TUSC3: variants seen among roughly 807,000 people sequenced by gnomAD.
TUSC3 encodes dolichyl-diphosphooligosaccharide--protein glycosyltransferase subunit TUSC3.
In TUSC3, 45 loss-of-function variants were observed where a neutral mutation model predicts 44.8. The observed-to-expected ratio is 1.00, with a 90% CI of 0.79 to 1.29. TUSC3 has a LOEUF of 1.29. Among genes scored for constraint, TUSC3 ranks in the 50% most tolerant of loss-of-function variants. TUSC3 has a pLI of 0.00. For missense variants in TUSC3, 519 were observed against 437.9 expected, an observed-to-expected ratio of 1.19 and a Z score of -1.65; for synonymous variants, 212 against 152.9, an observed-to-expected ratio of 1.39 and a Z score of -2.85.
intron 1 of TUSC3, among the ~76,000 whole-genome samples, chr8:15,577,632 G>A (rs1188784303): frequency 1.2e-4 from 18 of 147,014 alleles, no homozygotes; most frequent in Admixed American, 8.2e-4. Context: ...GTAGATATGC[G>A]GTGTTATTTC....
At chr8:15,523,662 A>ATGTGTG (rs1452859204) in intron 2 of TUSC3, among the ~76,000 whole-genome samples, 4 of 21,894 alleles carry the variant, frequency 1.8e-4, no homozygotes, top group African/African-American at 7.5e-4. Context: ...ATATATATAT[A>ATGTGTG]TATGTGTGTG....
intron 3 of TUSC3, among the ~76,000 whole-genome samples, chr8:15,653,669 G>T (rs1450343720): frequency 6.6e-6 from 1 of 152,162 alleles, no homozygotes; most frequent in Non-Finnish European, 1.5e-5. Flanking sequence ...GCAGAAATGT[G>T]TAAAAGTTAT....
chr8:15,593,621 C>T (rs886810251), intron 1 of TUSC3, among the ~76,000 whole-genome samples: 1 of 152,108 alleles, frequency 6.6e-6, no homozygotes, highest in African/African-American at 2.4e-5. Context: ...TTTAATAATA[C>T]AATTGTAATC....
At chr8:15,634,774 A>C (rs1414607168) in intron 2 of TUSC3, among the ~76,000 whole-genome samples, 1 of 152,218 alleles carries the variant, frequency 6.6e-6, no homozygotes, top group Non-Finnish European at 1.5e-5. Context: ...CATTGTCTCC[A>C]TCTGAGTATC....
At chr8:15,617,767 A>G (rs141277630) in intron 1 of TUSC3, among the ~76,000 whole-genome samples, 1 of 152,308 alleles carries the variant, frequency 6.6e-6, no homozygotes, top group African/African-American at 2.4e-5. Context: ...TTCAGTTGTT[A>G]AAGTTTGGTT....
the TUSC3 span, among the ~76,000 whole-genome samples, chr8:15,805,779 T>C: frequency 6.6e-6 from 1 of 152,116 alleles, no homozygotes; most frequent in Non-Finnish European, 1.5e-5. Flanking sequence ...TTTTCCTTTT[T>C]TGTTGTGTCC....
At chr8:15,440,228 C>A (rs1800002624) in intron 1 of TUSC3, among the ~76,000 whole-genome samples, 1 of 152,166 alleles carries the variant, frequency 6.6e-6, no homozygotes, top group African/African-American at 2.4e-5. Context: ...AGGAGTAGAG[C>A]TGAGAACTTT....
At chr8:15,751,135 G>C (rs570837818) in intron 9 of TUSC3, among the ~76,000 whole-genome samples, 1 of 152,270 alleles carries the variant, frequency 6.6e-6, no homozygotes, top group African/African-American at 2.4e-5. Flanking sequence ...AAGCTAAATA[G>C]AGTTTGGGTT....
chr8:15,421,695 T>A (rs910138399), intron 1 of TUSC3, among the ~76,000 whole-genome samples: 1 of 152,098 alleles, frequency 6.6e-6, no homozygotes, highest in Non-Finnish European at 1.5e-5. Context: ...ATACTGAATG[T>A]TAAAGGTGCC....
At chr8:15,798,649 T>TGAGGG in the TUSC3 span, among the ~76,000 whole-genome samples, 6 of 147,266 alleles carry the variant, frequency 4.1e-5, no homozygotes, top group African/African-American at 1.6e-4. Flanking sequence ...CCTGGGTGTG[T>TGAGGG]GGGGGGGGTC....
At chr8:15,803,627 G>A in the TUSC3 span, among the ~76,000 whole-genome samples, 2 of 152,174 alleles carry the variant, frequency 1.3e-5, no homozygotes, top group African/African-American at 4.8e-5. Context: ...CACCTGCCAT[G>A]GTGGTTTGCT....
the TUSC3 span, among the ~76,000 whole-genome samples, chr8:15,815,784 G>C: frequency 6.6e-6 from 1 of 152,208 alleles, no homozygotes; most frequent in South Asian, 2.1e-4. Flanking sequence ...CCTTATTAGA[G>C]AACTTGCAGA....
At chr8:15,813,654 A>G in the TUSC3 span, among the ~76,000 whole-genome samples, 1 of 152,316 alleles carries the variant, frequency 6.6e-6, no homozygotes, top group South Asian at 2.1e-4. Context: ...TTAATCTATA[A>G]AATATAATGT....
rs1289088178 is a variant in TUSC3 at position 15,526,118 on chromosome 8, C to T, written n.189+42635C>T. ...CACCATCTCGGCTCACTGCAAGCTCCGCCTCCAGGGTTCCCGCCATTCTTC... is the reference window on the plus strand; with the variant it reads ...CACCATCTCGGCTCACTGCAAGCTCTGCCTCCAGGGTTCCCGCCATTCTTC... On this transcript the variant is annotated intron_variant and non_coding_transcript_variant, in intron 2 of 5. Transcript: ENST00000503191. Among the ~76,000 whole-genome samples the T allele has an allele frequency of 2.0e-5, 3 of 152,028 alleles. No homozygotes were observed. The East Asian group carries it at 5.8e-4, about 30-fold the overall frequency.
At chr8:15,486,161 A>T (rs905504590) in intron 2 of TUSC3, among the ~76,000 whole-genome samples, 3 of 152,180 alleles carry the variant, frequency 2.0e-5, no homozygotes, top group Admixed American at 6.5e-5. Flanking sequence ...ACTTTGAAAG[A>T]AGTGACGTGA....
At chr8:15,656,409 C>T (rs1391699501) in intron 3 of TUSC3, among the ~76,000 whole-genome samples, 1 of 152,168 alleles carries the variant, frequency 6.6e-6, no homozygotes, top group Non-Finnish European at 1.5e-5. Context: ...AATAGACATT[C>T]CCTTCCAAAA....
At chr8:15,731,483 G>T (rs749003563) in intron 7 of TUSC3, among the ~76,000 whole-genome samples, 6 of 152,010 alleles carry the variant, frequency 3.9e-5, no homozygotes, top group Non-Finnish European at 7.4e-5. Flanking sequence ...GTCCAGTACT[G>T]TATATAACCA....
At chr8:15,605,456 T>G (rs552431299) in intron 1 of TUSC3, among the ~76,000 whole-genome samples, 162 of 152,094 alleles carry the variant, frequency 1.1e-3, no homozygotes, top group African/African-American at 3.6e-3. Flanking sequence ...CATTATTGAT[T>G]TGCTACACAG....
At chr8:15,832,904 T>A in the TUSC3 span, among the ~76,000 whole-genome samples, 1,215 of 152,118 alleles carry the variant, frequency 8.0e-3, 10 homozygotes, top group Non-Finnish European at 0.013. Context: ...ATATCCCAGA[T>A]TGGAACTCAT....
Sources: allele counts gnomAD v4.1 joint callset (sites outside exome capture counted in the v4.1 genomes callset), GRCh38; gene constraint gnomAD v4.1.1; transcripts MANE v1.5; gene names NCBI Gene and HGNC (gene_info 2026-07-23, HGNC 2026-07-21).